SYN3: variants seen among roughly 807,000 people sequenced by gnomAD.
The protein encoded by SYN3 is synapsin III.
In SYN3, 35 loss-of-function variants were observed where a neutral mutation model predicts 65.8. The ratio of observed to expected loss-of-function variants is 0.53; its 90% confidence interval spans 0.41 to 0.70. The LOEUF is 0.70. SYN3 is among the 30% of genes least tolerant of loss of function. The pLI, the probability that SYN3 is intolerant of heterozygous loss-of-function variation, is 0.00. For synonymous variants in SYN3, 270 were observed against 292.9 expected, an observed-to-expected ratio of 0.92 and a Z score of 0.80; for missense variants, 680 against 749.0, an observed-to-expected ratio of 0.91 and a Z score of 1.08.
chr22:32,825,193 T>G (rs2047366340), intron 6 of SYN3, among the ~76,000 whole-genome samples: 1 of 152,092 alleles, frequency 6.6e-6, no homozygotes, highest in Non-Finnish European at 1.5e-5. Flanking sequence ...AGAAACTGTG[T>G]CTAGGGCTTC....
rs188980327 is a variant in SYN3 at position 32,732,341 on chromosome 22, T to G, written c.711+132574A>C. Among the ~76,000 whole-genome samples, 9 of 152,286 alleles carry G rather than the reference T, an allele frequency of 5.9e-5. No individual in the cohort carries two copies. In the East Asian group the frequency reaches 1.7e-3, roughly 29 times the overall value. ...TCAAGAACTCTGGAGGCAGTGGTTGTTATTGGTGTAATTTTCCAAACGAAG... is the reference window on the plus strand; with the variant it reads ...TCAAGAACTCTGGAGGCAGTGGTTGGTATTGGTGTAATTTTCCAAACGAAG... On this transcript the variant is annotated intron_variant, in intron 6 of 13. Transcript: ENST00000358763.
In SYN3 at chr22:32,783,677, T is replaced by C. The variant is rs144835848; in HGVS notation, c.711+81238A>G. On this transcript the variant is annotated intron_variant, in intron 6 of 13. Coordinates refer to ENST00000358763, the MANE Select transcript of SYN3 (RefSeq NM_003490.4). ...CTGAAATACCCCTGCTCTCTCCTGC[T>C]AGGAGTTTGAAATTCACCAGAACTC... is the stretch of plus-strand genomic sequence containing the variant. Among the ~76,000 whole-genome samples, 1,013 of 152,330 alleles carry C rather than the reference T, an allele frequency of 6.7e-3. 7 individuals are homozygous for C. The highest frequency in any genetic ancestry group is 0.023 in the African/African-American group (936 of 41,578).
intron 8 of SYN3, among the ~76,000 whole-genome samples, chr22:32,538,748 C>T (rs992078322): frequency 7.2e-5 from 11 of 152,148 alleles, no homozygotes; most frequent in African/African-American, 2.7e-4. Context: ...ATCTGACATA[C>T]GACTTCCTGA....
intron 6 of SYN3, among the ~76,000 whole-genome samples, chr22:32,597,956 C>CT (rs2059225897): frequency 6.6e-6 from 1 of 152,206 alleles, no homozygotes; most frequent in Non-Finnish European, 1.5e-5. Flanking sequence ...CTGAGCTTTG[C>CT]TTTCCCCCTT....
At chr22:32,914,739 G>A (rs1026997628) in intron 4 of SYN3, among the ~76,000 whole-genome samples, 6 of 152,112 alleles carry the variant, frequency 3.9e-5, no homozygotes, top group African/African-American at 1.4e-4. Context: ...ACCATGCCTG[G>A]CCCATGTGGA....
At chr22:32,931,815 A>C in intron 3 of SYN3, among the ~76,000 whole-genome samples, 1 of 152,302 alleles carries the variant, frequency 6.6e-6, no homozygotes, top group Admixed American at 6.5e-5. Context: ...AGACCAGAAC[A>C]TGCCAGATGC....
chr22:32,703,413 C>T (rs950896018), intron 6 of SYN3, among the ~76,000 whole-genome samples: 4 of 152,004 alleles, frequency 2.6e-5, no homozygotes, highest in Admixed American at 1.3e-4. Flanking sequence ...CCAAGGCTGG[C>T]GGATCATGAG....
intron 7 of SYN3, among the ~76,000 whole-genome samples, chr22:32,554,862 G>C (rs2710382): frequency 0.59 from 90,344 of 152,034 alleles, 27,870 homozygotes; most frequent in African/African-American, 0.77. Context: ...TCGCTGCATG[G>C]CCTTGGGTAA....
intron 1 of SYN3, among the ~76,000 whole-genome samples, chr22:33,029,007 T>TAC (rs2145889739): frequency 6.6e-6 from 1 of 151,308 alleles, no homozygotes; most frequent in South Asian, 2.1e-4. Context: ...GCCACAGCAC[T>TAC]ACAGCCTGGG....
chr22:32,544,699 G>A lies in SYN3; in HGVS notation c.775-2986C>T, dbSNP rs147296046. Among the ~76,000 whole-genome samples the A allele has an allele frequency of 5.6e-3, 860 of 152,296 alleles. 3 individuals are homozygous for A. Among genetic ancestry groups the A allele is most frequent in the Non-Finnish European group, 9.6e-3 (655 of 68,022 alleles). On this transcript the variant is annotated intron_variant, in intron 7 of 13. Coordinates refer to ENST00000358763, the MANE Select transcript of SYN3 (RefSeq NM_003490.4). ...TTCCAATGCCCCTTTGATTATCCTG[G>A]GGTTTCATCTCAGCCAGTATTCAGG...
At chr22:33,001,283 C>T (rs1185262961) in intron 2 of SYN3, among the ~76,000 whole-genome samples, 1 of 152,178 alleles carries the variant, frequency 6.6e-6, no homozygotes, top group Non-Finnish European at 1.5e-5. Context: ...CCCTTGCACA[C>T]AGCCTAAAAT....
chr22:32,995,120 C>G (rs1696348648), intron 2 of SYN3, among the ~76,000 whole-genome samples: 1 of 152,130 alleles, frequency 6.6e-6, no homozygotes, highest in South Asian at 2.1e-4. Flanking sequence ...TCCCTCCCTC[C>G]CTGCTGGTGG....
chr22:32,707,726 G>T (rs1464528699), intron 6 of SYN3, among the ~76,000 whole-genome samples: 4 of 152,150 alleles, frequency 2.6e-5, no homozygotes, highest in Non-Finnish European at 2.9e-5. Context: ...AGGTGGTAAT[G>T]GTTTGGCCTG....
chr22:33,044,320 GTGAGAC>G (rs1556237233), intron 1 of SYN3, among the ~76,000 whole-genome samples: 2 of 152,120 alleles, frequency 1.3e-5, no homozygotes. Context: ...GCCTAGTCAC[GTGAGAC>G]TTTGACAGCA....
intron 4 of SYN3, among the ~76,000 whole-genome samples, chr22:32,911,689 G>T (rs554000695): frequency 6.6e-6 from 1 of 152,042 alleles, no homozygotes; most frequent in African/African-American, 2.4e-5. Flanking sequence ...GAAACTGAAC[G>T]GGAGCCAAAC....
At chr22:32,716,695 T>C (rs2061043378) in intron 6 of SYN3, among the ~76,000 whole-genome samples, 1 of 137,394 alleles carries the variant, frequency 7.3e-6, no homozygotes, top group Non-Finnish European at 1.6e-5. Flanking sequence ...CATACCCGGC[T>C]AATTTTTTGT....
chr22:32,586,094 A>G (rs963253751), intron 7 of SYN3, among the ~76,000 whole-genome samples: 2 of 144,994 alleles, frequency 1.4e-5, no homozygotes, highest in East Asian at 1.9e-4. Flanking sequence ...GTATATATGT[A>G]TATATGTATA....
chr22:33,044,028 G>C (rs2145945180), intron 1 of SYN3, among the ~76,000 whole-genome samples: 1 of 151,574 alleles, frequency 6.6e-6, no homozygotes, highest in South Asian at 2.1e-4. Flanking sequence ...ACACCATCCT[G>C]ATGACAGAGT....
chr22:32,970,238 G>A (rs560935009), intron 3 of SYN3, among the ~76,000 whole-genome samples: 9 of 152,254 alleles, frequency 5.9e-5, no homozygotes, highest in South Asian at 4.2e-4. Flanking sequence ...TGAGGCATGG[G>A]GCAGTTAAAT....
Sources: allele counts gnomAD v4.1 joint callset (sites outside exome capture counted in the v4.1 genomes callset), GRCh38; gene constraint gnomAD v4.1.1; transcripts MANE v1.5; gene names NCBI Gene and HGNC (gene_info 2026-07-23, HGNC 2026-07-21).